Variants in DOCK2 observed in about 807,000 individuals in gnomAD.
DOCK2 encodes the protein dedicator of cytokinesis 2, also known as dedicator of cytokinesis protein 2.
DOCK2 carries 87 observed loss-of-function variants against 248.9 expected under a neutral mutation model. That is an observed-to-expected ratio of 0.35 (90% confidence interval 0.29 to 0.42). The LOEUF (loss-of-function observed/expected upper bound fraction) is 0.42. DOCK2 is among the 10% of genes least tolerant of loss of function. DOCK2 has a pLI of 1.00. For synonymous variants in DOCK2, 805 were observed against 821.6 expected (o/e 0.98, Z 0.35); for missense variants, 1,747 against 2,300.2 (o/e 0.76, Z 4.92).
chr5:169,736,146 A>G (rs926975124), intron 22 of DOCK2, among the ~76,000 whole-genome samples: 6 of 152,174 alleles, frequency 3.9e-5, no homozygotes, highest in Admixed American at 6.5e-5. Flanking sequence ...ATTTGACAGG[A>G]GATTTGGGCG....
Position 170,029,986 on chromosome 5 carries a change from G to A in DOCK2, c.3467+2038G>A, listed in dbSNP as rs140424998. 1.7e-3 allele frequency among the ~76,000 whole-genome samples: 253 copies of A among 152,310 alleles called. 1 individual carries two copies. The highest frequency in any genetic ancestry group is 0.01 in the Middle Eastern group (3 of 294). On this transcript the variant is annotated intron_variant, in intron 34 of 51. Transcript: ENST00000520908. ...GAATGCAAATGCCATTTGGCCAGAAGGAGAAACCCACTGTCTGCCCCTCAG... is the reference window on the plus strand; with the variant it reads ...GAATGCAAATGCCATTTGGCCAGAAAGAGAAACCCACTGTCTGCCCCTCAG...
chr5:169,885,977 CT>C (rs994357357), intron 27 of DOCK2, among the ~76,000 whole-genome samples: 5 of 152,162 alleles, frequency 3.3e-5, no homozygotes, highest in Non-Finnish European at 5.9e-5. Context: ...ACCCAGGTGT[CT>C]GTCATTCCAA....
intron 26 of DOCK2, among the ~76,000 whole-genome samples, chr5:169,825,911 G>A (rs2113264493): frequency 6.6e-6 from 1 of 152,078 alleles, no homozygotes; most frequent in African/African-American, 2.4e-5. Context: ...ATGGTGAAAA[G>A]TGAAGAAAGG....
At chr5:169,727,082 G>A (rs1248947129) in intron 22 of DOCK2, among the ~76,000 whole-genome samples, 2 of 148,322 alleles carry the variant, frequency 1.3e-5, no homozygotes, top group Admixed American at 6.7e-5. Context: ...AAAAAAAAAA[G>A]AAAAAAGAAA....
intron 22 of DOCK2, among the ~76,000 whole-genome samples, chr5:169,736,358 T>C (rs958378069): frequency 1.3e-5 from 2 of 152,224 alleles, no homozygotes; most frequent in Non-Finnish European, 2.9e-5. Flanking sequence ...AAAGCTCACC[T>C]GTTTGGGTCA....
At chr5:169,863,354 A>T (rs1034632195) in intron 27 of DOCK2, among the ~76,000 whole-genome samples, 1 of 152,232 alleles carries the variant, frequency 6.6e-6, no homozygotes, top group African/African-American at 2.4e-5. Context: ...GTTGTGTTTT[A>T]TCTTAGCCTT....
At chr5:169,900,177 G>A (rs1773843190) in intron 27 of DOCK2, among the ~76,000 whole-genome samples, 2 of 152,192 alleles carry the variant, frequency 1.3e-5, no homozygotes, top group African/African-American at 2.4e-5. Flanking sequence ...CAGGTAATAG[G>A]CAGCACGGTA....
At chr5:169,677,020 T>C (rs1041467837) in intron 6 of DOCK2, among the ~76,000 whole-genome samples, 1 of 152,186 alleles carries the variant, frequency 6.6e-6, no homozygotes, top group African/African-American at 2.4e-5. Flanking sequence ...GTAGGCACTA[T>C]TCTCACCCTG....
intron 2 of DOCK2, among the ~76,000 whole-genome samples, chr5:169,669,011 C>G (rs571579016): frequency 6.6e-6 from 1 of 152,198 alleles, no homozygotes; most frequent in Non-Finnish European, 1.5e-5. Flanking sequence ...CTCCTCCCAG[C>G]CAGTTGGGAG....
chr5:169,825,395 AT>A (rs1459000397), intron 26 of DOCK2, among the ~76,000 whole-genome samples: 5 of 151,942 alleles, frequency 3.3e-5, no homozygotes, highest in Non-Finnish European at 7.4e-5. Context: ...GATAGACTGG[AT>A]TAAGAAAATG....
Position 170,082,004 on chromosome 5 carries a change from A to G in DOCK2, c.5430+20A>G, listed in dbSNP as rs759147112. On this transcript the variant is annotated intron_variant, in intron 51 of 51. Coordinates refer to ENST00000520908, the MANE Select transcript of DOCK2 (RefSeq NM_004946.3). ...ACAATGGTGAGGACATTGAGGGTGG[A>G]AGGAAAGGAAGGCATTGGGAGGAGA... 29 of 1,611,064 alleles carry G rather than the reference A, an allele frequency of 1.8e-5. No homozygotes were observed. The highest frequency in any genetic ancestry group is 2.4e-5 in the Non-Finnish European group (28 of 1,178,428).
chr5:169,712,511 G>T (rs1038981784), intron 17 of DOCK2, among the ~76,000 whole-genome samples: 1 of 152,198 alleles, frequency 6.6e-6, no homozygotes, highest in Admixed American at 6.5e-5. Flanking sequence ...TTACAGAAAG[G>T]TTATTGTTAA....
At chr5:170,022,129 G>A (rs565304577) in intron 33 of DOCK2, among the ~76,000 whole-genome samples, 2 of 152,326 alleles carry the variant, frequency 1.3e-5, no homozygotes, top group African/African-American at 4.8e-5. Flanking sequence ...TAGCTCTTAT[G>A]CCTTTGTATG....
At chr5:169,836,283 G>C (rs1561748895) in intron 26 of DOCK2, among the ~76,000 whole-genome samples, 1 of 152,198 alleles carries the variant, frequency 6.6e-6, no homozygotes. Context: ...TGGTTCAAAA[G>C]TATTCAGGCT....
chr5:170,000,977 C>A (rs1246855893), intron 30 of DOCK2, among the ~76,000 whole-genome samples: 3 of 152,206 alleles, frequency 2.0e-5, no homozygotes, highest in Non-Finnish European at 2.9e-5. Context: ...AGCCTTGCAA[C>A]TGCCCATAGC....
Position 169,731,438 on chromosome 5 carries a change from G to A in DOCK2, c.2267+12647G>A, listed in dbSNP as rs541234835. Among the ~76,000 whole-genome samples, 24 of 152,242 alleles carry A rather than the reference G, an allele frequency of 1.6e-4. No individual in the cohort carries two copies. In the South Asian group the frequency reaches 1.9e-3, roughly 12 times the overall value. On this transcript the variant is annotated intron_variant, in intron 22 of 51. Coordinates refer to ENST00000520908, the MANE Select transcript of DOCK2 (RefSeq NM_004946.3). ...TTGCCTGCTGCCATCCGTGTAAAAC[G>A]TGAGTTGCTTCTCCTTGCCTTTCCC...
chr5:170,074,058 T>C (rs191142910), intron 46 of DOCK2, among the ~76,000 whole-genome samples: 19 of 152,304 alleles, frequency 1.2e-4, no homozygotes, highest in African/African-American at 3.8e-4. Context: ...TTTTCTAATA[T>C]GTAAAACTAA....
At chr5:170,001,369 A>G (rs1754825644) in intron 30 of DOCK2, among the ~76,000 whole-genome samples, 1 of 152,204 alleles carries the variant, frequency 6.6e-6, no homozygotes, top group Admixed American at 6.5e-5. Flanking sequence ...CTTTATAAAC[A>G]TCGGATGGAC....
At chr5:169,743,270 T>C (rs1763423505) in intron 22 of DOCK2, among the ~76,000 whole-genome samples, 2 of 152,274 alleles carry the variant, frequency 1.3e-5, no homozygotes, top group South Asian at 4.1e-4. Context: ...CACTCCTTAA[T>C]TGAAATATTT....
Sources: allele counts gnomAD v4.1 joint callset (sites outside exome capture counted in the v4.1 genomes callset), GRCh38; gene constraint gnomAD v4.1.1; transcripts MANE v1.5; gene names NCBI Gene and HGNC (gene_info 2026-07-23, HGNC 2026-07-21).